The following VWA8 variants were observed in gnomAD, a reference collection of about 807,000 sequenced individuals.
The protein encoded by VWA8 is von Willebrand factor A domain containing 8.
VWA8 carries 221 observed loss-of-function variants against 241.5 expected under a neutral mutation model. That is an observed-to-expected ratio of 0.91 (90% CI 0.82 to 1.02). The LOEUF is 1.02. VWA8 is among the 50% of genes least tolerant of loss of function. The probability of loss-of-function intolerance (pLI) is 0.00; values close to 1 mark genes in which losing one functional copy is unlikely to be tolerated. For missense variants in VWA8, 2,322 were observed against 2,328.7 expected (o/e 1.00, Z 0.06); for synonymous variants, 852 against 827.1 (o/e 1.03, Z -0.52).
At chr13:41,868,242 C>T in intron 10 of VWA8, 104 bp downstream of exon 10, 2 of 1,294,296 alleles carry the variant, frequency 1.5e-6, no homozygotes, top group Admixed American at 2.0e-5. Context: ...AGAAGCAGTA[C>T]TATCAAGAGA....
At chr13:41,856,509 A>G (rs2138036889) in intron 12 of VWA8, among the ~76,000 whole-genome samples, 1 of 152,268 alleles carries the variant, frequency 6.6e-6, no homozygotes, top group South Asian at 2.1e-4. Context: ...AATAACAGCC[A>G]TAGATGGTTT....
In VWA8 at chr13:41,587,640, G is replaced by C; in HGVS notation, c.5143C>G (p.Leu1715Val). The C allele has an allele frequency of 6.2e-7, 1 of 1,614,184 alleles. No individual in the cohort carries two copies. Among genetic ancestry groups the C allele is most frequent in the Non-Finnish European group, 8.5e-7 (1 of 1,180,024 alleles). Residue 1715 changes from leucine (L) to valine (V), a missense_variant, in exon 42 of 45, where the codon CTG (leucine) becomes GTG (valine). Leu to Val is a conservative substitution (Grantham distance 32). Coordinates refer to ENST00000379310, the MANE Select transcript of VWA8 (RefSeq NM_015058.2). ...CCAGACACATCTACCACCAGGCGCAGACGCTTGGGTTTCTGTTGTGGGCTG... is the reference window on the plus strand; with the variant it reads ...CCAGACACATCTACCACCAGGCGCACACGCTTGGGTTTCTGTTGTGGGCTG... ...LGSPQQKPKR[L>V]RLVVDVSGSM...
At chr13:41,723,976 G>A (rs752150464) in intron 24 of VWA8, among the ~76,000 whole-genome samples, 1 of 152,200 alleles carries the variant, frequency 6.6e-6, no homozygotes, top group Non-Finnish European at 1.5e-5. Flanking sequence ...AAATAAGGCT[G>A]AGCAGGAATA....
intron 37 of VWA8, among the ~76,000 whole-genome samples, chr13:41,629,438 T>C (rs9315851): frequency 0.68 from 103,907 of 152,054 alleles, 36,024 homozygotes; most frequent in South Asian, 0.84. Context: ...TTTTTCAGCT[T>C]TATATTCTTA....
chr13:41,654,431 G>C (rs913234903), intron 37 of VWA8, among the ~76,000 whole-genome samples: 21 of 152,158 alleles, frequency 1.4e-4, no homozygotes, highest in Non-Finnish European at 5.9e-5. Context: ...TGGTTTCGTG[G>C]AACAATTTTT....
intron 42 of VWA8, among the ~76,000 whole-genome samples, chr13:41,576,909 G>A (rs55816615): frequency 0.19 from 29,236 of 152,202 alleles, 3,390 homozygotes; most frequent in Non-Finnish European, 0.27. Flanking sequence ...CACCCCATGA[G>A]GTACCTCAAA....
At chr13:41,898,744 C>T (rs1378750960) in intron 4 of VWA8, among the ~76,000 whole-genome samples, 1 of 152,148 alleles carries the variant, frequency 6.6e-6, no homozygotes, top group African/African-American at 2.4e-5. Context: ...AGCTAAGGCC[C>T]GGCGAGAAAT....
At chr13:41,696,977 C>G (rs370117518) in intron 29 of VWA8, among the ~76,000 whole-genome samples, 33 of 152,326 alleles carry the variant, frequency 2.2e-4, no homozygotes, top group African/African-American at 7.9e-4. Context: ...GAATCCCAAG[C>G]TTGTATTTCC....
chr13:41,926,049 G>T (rs139244746), intron 2 of VWA8: 1 of 451,248 alleles, frequency 2.2e-6, no homozygotes, highest in Admixed American at 2.9e-5. Flanking sequence ...AGGAGAGGGG[G>T]TCAAGTTGCA....
chr13:41,776,992 G>T (rs1190271967), intron 20 of VWA8, among the ~76,000 whole-genome samples: 1 of 152,096 alleles, frequency 6.6e-6, no homozygotes. Flanking sequence ...TAGAAGCTTT[G>T]TTACCCTTAA....
chr13:41,703,410 A>T lies in VWA8; in HGVS notation c.3118T>A (p.Leu1040Met). 1 of 1,613,698 alleles carries T rather than the reference A, an allele frequency of 6.2e-7. No individual in the cohort carries two copies. The highest frequency in any genetic ancestry group is 1.1e-5 in the South Asian group (1 of 91,068). Reference sequence around the variant, plus strand: ...ATGAACGTTTGTTCTGGCAGAGTCAACCTGTTAAGGATGATTTGCAAAGTA... The same window carrying T: ...ATGAACGTTTGTTCTGGCAGAGTCATCCTGTTAAGGATGATTTGCAAAGTA... ...KPTSVQLAKE[L>M]TLPEQTFMGY... Residue 1040 changes from leucine (L) to methionine (M), a missense_variant and splice_region_variant, in exon 27 of 45, where the codon TTG (leucine) becomes ATG (methionine). Transcript: ENST00000379310.
intron 12 of VWA8, among the ~76,000 whole-genome samples, chr13:41,848,144 T>C (rs1331711748): frequency 1.3e-5 from 2 of 152,180 alleles, no homozygotes; most frequent in Admixed American, 6.5e-5. Context: ...GACAACTCTT[T>C]TGATTGACAA....
intron 20 of VWA8, among the ~76,000 whole-genome samples, chr13:41,763,383 C>A (rs534806584): frequency 2.1e-4 from 32 of 152,032 alleles, no homozygotes; most frequent in African/African-American, 7.7e-4. Context: ...TGATTTATTT[C>A]GCCTACAAAA....
intron 18 of VWA8, 58 bp from the exon 19 acceptor site, chr13:41,783,959 G>T: frequency 7.7e-7 from 1 of 1,293,586 alleles, no homozygotes; most frequent in Non-Finnish European, 1.1e-6. Context: ...GAGATGCCAA[G>T]CCACCCAACA....
chr13:41,597,761 C>T (rs1311087850), intron 40 of VWA8, among the ~76,000 whole-genome samples: 2 of 151,872 alleles, frequency 1.3e-5, no homozygotes, highest in African/African-American at 4.8e-5. Context: ...TGGATTCCAC[C>T]CTAGAAAACC....
At chr13:41,776,729 A>G (rs1868612857) in intron 20 of VWA8, among the ~76,000 whole-genome samples, 1 of 152,176 alleles carries the variant, frequency 6.6e-6, no homozygotes, top group Non-Finnish European at 1.5e-5. Context: ...GTTAGACATC[A>G]AGAAACTGAG....
chr13:41,689,499 A>G lies in VWA8; in HGVS notation c.3986T>C (p.Phe1329Ser). 6.2e-7 allele frequency: 1 copy of G among 1,605,858 alleles called. No individual in the cohort carries two copies. The highest frequency in any genetic ancestry group is 1.1e-5 in the South Asian group (1 of 89,556). The change falls in exon 34 of 45, where the codon TTC becomes TCC. Residue 1329 changes from phenylalanine to serine, a missense_variant. Coordinates refer to ENST00000379310, the MANE Select transcript of VWA8 (RefSeq NM_015058.2). ...TGFGVTQETE[F>S]SIPHKISSDQ... ...ACTGGAAATTTTATGAGGTATGCTGAACTCTGTTTCTGAAAAGTACAAACA... is the reference window on the plus strand; with the variant it reads ...ACTGGAAATTTTATGAGGTATGCTGGACTCTGTTTCTGAAAAGTACAAACA...
chr13:41,804,761 G>A (rs1315615736), intron 17 of VWA8, among the ~76,000 whole-genome samples: 1 of 152,110 alleles, frequency 6.6e-6, no homozygotes, highest in Admixed American at 6.5e-5. Context: ...AACAAAAAGT[G>A]AAAAAGTGGG....
intron 19 of VWA8, among the ~76,000 whole-genome samples, chr13:41,781,811 G>A (rs1868899558): frequency 6.6e-6 from 1 of 152,104 alleles, no homozygotes; most frequent in Non-Finnish European, 1.5e-5. Flanking sequence ...CAGTTACTAT[G>A]TGCCAGGCAC....
Sources: allele counts gnomAD v4.1 joint callset (sites outside exome capture counted in the v4.1 genomes callset), GRCh38; gene constraint gnomAD v4.1.1; transcripts MANE v1.5; gene names NCBI Gene and HGNC (gene_info 2026-07-23, HGNC 2026-07-21).